VIP: variants seen among roughly 807,000 people sequenced by gnomAD.
The protein encoded by VIP is VIP peptides.
VIP carries 18 observed loss-of-function variants against 20.1 expected under a neutral mutation model. The observed-to-expected ratio is 0.90, with a 90% CI of 0.62 to 1.33. The LOEUF is 1.33. Ranked by LOEUF, VIP falls within the 40% of genes most tolerant of loss-of-function variation. The probability of loss-of-function intolerance (pLI) is 0.00; values close to 1 mark genes in which losing one functional copy is unlikely to be tolerated. For synonymous variants in VIP, 70 were observed against 68.1 expected, an observed-to-expected ratio of 1.03 and a Z score of -0.14; for missense variants, 209 against 199.4, an observed-to-expected ratio of 1.05 and a Z score of -0.29.
chr6:152,755,008 G>T (rs1283229185), intron 3 of VIP, among the ~76,000 whole-genome samples: 1 of 151,848 alleles, frequency 6.6e-6, no homozygotes, highest in East Asian at 1.9e-4. Flanking sequence ...ATTCAACCAT[G>T]GAGGAATATT....
rs931320466 is a variant in VIP, at chr6:152,750,939, G to A, written c.-31G>A. 1 of 152,132 alleles carries A rather than the reference G, an allele frequency of 6.6e-6. No homozygotes were observed. The highest frequency in any genetic ancestry group is 2.4e-5 in the African/African-American group (1 of 41,432). The allele number at this position is 152,132 out of a possible 1,614,324, so 9.4% of individuals were successfully genotyped here. A position where few individuals can be genotyped will look rare whatever the true frequency, so the allele number is the denominator to read the frequency against. ...AAAACAAACCAGAACAGTCAGCTCC[G>A]GGGGAGCACGACTGGGCGAGGTAAG... is the stretch of plus-strand genomic sequence containing the variant. On this transcript the variant is annotated 5_prime_UTR_variant, in exon 1 of 7. Transcript: ENST00000367244.
At chr6:152,755,180 C>A in intron 3 of VIP, 89 bp from the exon 4 acceptor site, 1 of 748,862 alleles carries the variant, frequency 1.3e-6, no homozygotes. Context: ...CATAATAAGC[C>A]CATAATTTTT....
At chr6:152,758,088 A>G (rs1053458908) in intron 6 of VIP, among the ~76,000 whole-genome samples, 3 of 152,032 alleles carry the variant, frequency 2.0e-5, no homozygotes, top group Admixed American at 1.3e-4. Context: ...AAGCAGCCAC[A>G]GTTAGATGTA....
At chr6:152,755,470 T>G (rs1370548012) in intron 4 of VIP, 97 bp downstream of exon 4, 8 of 737,464 alleles carry the variant, frequency 1.1e-5, no homozygotes, top group Non-Finnish European at 1.4e-5. Flanking sequence ...TGTTTGAAAT[T>G]GAAAACTCGT....
At chr6:152,756,668 G>A (rs778182344) in intron 5 of VIP, among the ~76,000 whole-genome samples, 40 of 151,882 alleles carry the variant, frequency 2.6e-4, no homozygotes, top group African/African-American at 8.9e-4. Context: ...AACTCACTTC[G>A]TGTGCATATT....
At chr6:152,751,653 G>C (rs967685251) in intron 1 of VIP, among the ~76,000 whole-genome samples, 2 of 152,018 alleles carry the variant, frequency 1.3e-5, no homozygotes, top group African/African-American at 4.8e-5. Flanking sequence ...AGAGGAAAAA[G>C]TAATGTATAT....
At chr6:152,755,412 T>A in intron 4 of VIP, 39 bp downstream of exon 4, 5 of 1,232,510 alleles carry the variant, frequency 4.1e-6, no homozygotes, top group Non-Finnish European at 4.5e-6. Context: ...TATGTTATCA[T>A]TATTCAATCT....
At chr6:152,754,869 C>T (rs1458114840) in intron 3 of VIP, among the ~76,000 whole-genome samples, 2 of 151,746 alleles carry the variant, frequency 1.3e-5, no homozygotes, top group Admixed American at 6.6e-5. Flanking sequence ...TTTCCAAAAT[C>T]AGAATATTTT....
At chr6:152,756,303 G>A (rs763323951) in intron 5 of VIP, 38 bp downstream of exon 5, 2 of 1,585,026 alleles carry the variant, frequency 1.3e-6, no homozygotes, top group Admixed American at 3.6e-5. Context: ...GAGGAATCAT[G>A]ACTGACTTTC....
chr6:152,754,068 C>A (rs2099730049), intron 2 of VIP, 98 bp from the exon 3 acceptor site: 1 of 1,342,454 alleles, frequency 7.4e-7, no homozygotes, highest in Non-Finnish European at 1.0e-6. Context: ...GGTAATACTT[C>A]CCAAGAGTCT....
At position 152,752,225 on chromosome 6, in the gene VIP, C is replaced by G; in HGVS notation, c.48C>G (p.Leu16=). 6.2e-7 allele frequency: 1 copy of G among 1,613,628 alleles called. No homozygotes were observed. ...AGCTCCTTGTGCTCCTGACTCTTCT[C>G]AGTGTGCTCTTCTCACAGACTTCGG... The part of the protein sequence containing the change: ...KAQLLVLLTL[L]SVLFSQTSAW... Residue 16 remains leucine (L), a synonymous_variant, in exon 2 of 7, where the codon CTC becomes CTG. Coordinates refer to ENST00000367244, the MANE Select transcript of VIP (RefSeq NM_003381.4).
rs575089160 is a variant in VIP, at chr6:152,755,774, G to A, written c.336-360G>A. Reference sequence around the variant, plus strand: ...GCCAACAGTCAAATATTTAGATGACGTTGCTCAGGGTAGCATAGCTTCTAA... The same window carrying A: ...GCCAACAGTCAAATATTTAGATGACATTGCTCAGGGTAGCATAGCTTCTAA... On this transcript the variant is annotated intron_variant, in intron 4 of 6. Transcript: ENST00000367244. Among the ~76,000 whole-genome samples, 308 of 151,482 alleles carry A rather than the reference G, an allele frequency of 2.0e-3. 2 individuals carry two copies. The highest frequency in any genetic ancestry group is 1.2e-3 in the Non-Finnish European group (78 of 67,812).
At chr6:152,752,973 A>G (rs1011003685) in intron 2 of VIP, among the ~76,000 whole-genome samples, 9 of 152,154 alleles carry the variant, frequency 5.9e-5, no homozygotes, top group African/African-American at 2.2e-4. Context: ...AATGAAAACT[A>G]TATTAGCTTG....
intron 5 of VIP, among the ~76,000 whole-genome samples, chr6:152,756,865 C>A (rs555770463): frequency 6.6e-6 from 1 of 151,808 alleles, no homozygotes; most frequent in Admixed American, 6.6e-5. Flanking sequence ...TGGGTGTGAT[C>A]AGACAAGATG....
chr6:152,751,884 A>G (rs2099729697), intron 1 of VIP, among the ~76,000 whole-genome samples: 1 of 152,134 alleles, frequency 6.6e-6, no homozygotes, highest in South Asian at 2.1e-4. Context: ...GATTGTCCCC[A>G]GGGTTATTTC....
intron 2 of VIP, 117 bp from the exon 3 acceptor site, chr6:152,754,046 ATAT>A (rs1250525677): frequency 5.9e-5 from 66 of 1,115,730 alleles, no homozygotes; most frequent in Non-Finnish European, 8.0e-5. Context: ...TGCTATTCTC[ATAT>A]TATGACTGGG....
rs546197616 is a variant in VIP at position 152,756,204 on chromosome 6, C to T, written c.406C>T (p.Arg136Cys). The T allele has an allele frequency of 7.4e-6, 12 of 1,611,602 alleles. No individual in the cohort carries two copies. Among genetic ancestry groups the T allele is most frequent in the South Asian group, 1.1e-5 (1 of 90,902 alleles). The change falls in exon 5 of 7, where the codon CGC (arginine) becomes TGC (cysteine). Residue 136 changes from arginine (R) to cysteine (C), a missense_variant. Coordinates refer to ENST00000367244, the MANE Select transcript of VIP (RefSeq NM_003381.4). Reference sequence around the variant, plus strand: ...TGCAGTCTTCACTGACAACTATACCCGCCTTAGAAAACAAATGGCTGTAAA... The same window carrying T: ...TGCAGTCTTCACTGACAACTATACCTGCCTTAGAAAACAAATGGCTGTAAA... ...SDAVFTDNYT[R>C]LRKQMAVKKY...
intron 3 of VIP, 74 bp downstream of exon 3, chr6:152,754,362 A>G (rs1392022986): frequency 1.4e-6 from 2 of 1,396,344 alleles, no homozygotes; most frequent in Middle Eastern, 2.4e-4. Flanking sequence ...AAACGTGCTT[A>G]TTTTATCTCA....
At chr6:152,753,769 C>T (rs4282421) in intron 2 of VIP, among the ~76,000 whole-genome samples, 2 of 151,948 alleles carry the variant, frequency 1.3e-5, no homozygotes, top group Non-Finnish European at 2.9e-5. Context: ...GTTATCAGTT[C>T]TCATTCAATA....
Sources: allele counts gnomAD v4.1 joint callset (sites outside exome capture counted in the v4.1 genomes callset), GRCh38; gene constraint gnomAD v4.1.1; transcripts MANE v1.5; gene names NCBI Gene and HGNC (gene_info 2026-07-23, HGNC 2026-07-21).